The following TMEM161A variants were observed in gnomAD, a reference collection of about 807,000 sequenced individuals.
TMEM161A encodes adaptive response to oxidative stress protein 29.
A neutral mutation model predicts 57.1 loss-of-function variants in TMEM161A; 46 were observed. The ratio of observed to expected loss-of-function variants is 0.81; its 90% confidence interval spans 0.64 to 1.03. The LOEUF is 1.03. TMEM161A is among the 50% of genes least tolerant of loss of function. The pLI, the probability that TMEM161A is intolerant of heterozygous loss-of-function variation, is 0.00. For missense variants in TMEM161A, 601 were observed against 621.5 expected (o/e 0.97, Z 0.35); for synonymous variants, 288 against 279.0 (o/e 1.03, Z -0.32).
At position 19,134,865 on chromosome 19, in the gene TMEM161A, ACCAGCTGTACTCCG is replaced by A; in HGVS notation, c.12_25del (p.Val6AspfsTer24). 1 of 1,595,456 alleles carries A rather than the reference ACCAGCTGTACTCCG, an allele frequency of 6.3e-7. No individual in the cohort carries two copies. The highest frequency in any genetic ancestry group is 1.1e-5 in the South Asian group (1 of 87,900). On this transcript the variant is annotated frameshift_variant, in exon 2 of 12. Coordinates refer to ENST00000162044, the MANE Select transcript of TMEM161A (RefSeq NM_017814.3). LOFTEE classifies it high-confidence loss of function. ...GAGGGTGGCAGTGAGCAGGGTCACC[ACCAGCTGTACTCCG>A]AGGACCGCCTGGGGGGAGGGGACAT...
At chr19:19,135,026 G>A (rs902512945) in intron 1 of TMEM161A, 139 bp from the exon 2 acceptor site, 17 of 637,416 alleles carry the variant, frequency 2.7e-5, no homozygotes, top group South Asian at 3.8e-5. Flanking sequence ...GGCTTCTTAG[G>A]GGAGAGTCCT....
chr19:19,138,476 G>T lies in TMEM161A; in HGVS notation c.-48C>A. The stretch of plus-strand genomic sequence containing the variant: ...ACTCACCCACCGGCCTAGGGCTCCG[G>T]GCACTCTGCGGAAACTCGACCAATT... On this transcript the variant is annotated 5_prime_UTR_variant, in exon 1 of 12. Transcript: ENST00000162044. 1.3e-6 allele frequency: 2 copies of T among 1,576,292 alleles called. No homozygotes were observed.
Position 19,121,307 on chromosome 19 carries a change from C to A in TMEM161A, c.914+1G>T. 1 of 1,560,678 alleles carries A rather than the reference C, an allele frequency of 6.4e-7. No homozygotes were observed. The highest frequency in any genetic ancestry group is 2.4e-5 in the East Asian group (1 of 41,234). ...ACCTCCTAGCCCCACCCAATACGCACAGGGAGAAACGCGTCTCCCCAAACG... is the reference window on the plus strand; with the variant it reads ...ACCTCCTAGCCCCACCCAATACGCAAAGGGAGAAACGCGTCTCCCCAAACG... On this transcript the variant is annotated splice_donor_variant, in intron 9 of 11. Coordinates refer to ENST00000162044, the MANE Select transcript of TMEM161A (RefSeq NM_017814.3). LOFTEE classifies it high-confidence loss of function. This position sits in a 1 kb window ranked among gnomAD's most constrained non-coding sequence, Gnocchi z 5.8.
Position 19,120,023 on chromosome 19 carries a change from G to T in TMEM161A, c.1347C>A (p.Gly449=), listed in dbSNP as rs2059899740. 1.9e-6 allele frequency: 3 copies of T among 1,598,914 alleles called. No homozygotes were observed. The highest frequency in any genetic ancestry group is 2.6e-6 in the Non-Finnish European group (3 of 1,173,630). ...GGLLTPLFLR[G]VLAYLIWWTA... Reference sequence around the variant, plus strand: ...TCCACCAGATGAGGTAGGCCAGGACGCCACGGAGGAAGAGGGGAGTAAGCA... The same window carrying T: ...TCCACCAGATGAGGTAGGCCAGGACTCCACGGAGGAAGAGGGGAGTAAGCA... Residue 449 remains glycine, a synonymous_variant, in exon 12 of 12, where the codon GGC becomes GGA. Transcript: ENST00000162044.
intron 1 of TMEM161A, 23 bp downstream of exon 1, chr19:19,138,403 C>A (rs920094783): frequency 3.7e-6 from 6 of 1,602,020 alleles, no homozygotes; most frequent in Admixed American, 1.7e-5. Flanking sequence ...CAGAACCCCC[C>A]ACTTCGCGGG....
intron 5 of TMEM161A, among the ~76,000 whole-genome samples, chr19:19,131,352 A>G (rs2059957318): frequency 6.6e-6 from 1 of 152,134 alleles, no homozygotes; most frequent in Non-Finnish European, 1.5e-5. Context: ...TGGGTCCCCA[A>G]AGTCATGTAT....
At chr19:19,130,690 A>G (rs1488656411) in intron 5 of TMEM161A, among the ~76,000 whole-genome samples, 1 of 152,056 alleles carries the variant, frequency 6.6e-6, no homozygotes, top group East Asian at 1.9e-4. Context: ...TAATCCCAGC[A>G]CTTTGGGAGG....
In TMEM161A at chr19:19,134,848, C is replaced by T. The variant is rs1203097158; in HGVS notation, c.43G>A (p.Ala15Thr). 1.3e-6 allele frequency: 2 copies of T among 1,599,086 alleles called. No homozygotes were observed. The highest frequency in any genetic ancestry group is 2.3e-5 in the East Asian group (1 of 43,966). The change falls in exon 2 of 12, where the codon GCC becomes ACC. Residue 15 changes from alanine to threonine, a missense_variant. Ala to Thr is a moderately conservative substitution (Grantham distance 58). Coordinates refer to ENST00000162044, the MANE Select transcript of TMEM161A (RefSeq NM_017814.3). Reference sequence around the variant, plus strand: ...GGCGCCAGCCTGTGCATGAGGGTGGCAGTGAGCAGGGTCACCACCAGCTGT... The same window carrying T: ...GGCGCCAGCCTGTGCATGAGGGTGGTAGTGAGCAGGGTCACCACCAGCTGT... ...GVQLVVTLLT[A>T]TLMHRLAPHC...
chr19:19,121,806 C>A lies in TMEM161A; in HGVS notation c.609G>T (p.Met203Ile). 6.2e-7 allele frequency: 1 copy of A among 1,613,832 alleles called. No homozygotes were observed. The highest frequency in any genetic ancestry group is 8.5e-7 in the Non-Finnish European group (1 of 1,179,988). The change falls in exon 7 of 12, where the codon ATG becomes ATT. Residue 203 changes from methionine (M) to isoleucine (I), a missense_variant. Coordinates refer to ENST00000162044, the MANE Select transcript of TMEM161A (RefSeq NM_017814.3). This position sits in a 1 kb window ranked among gnomAD's most constrained non-coding sequence, Gnocchi z 5.8. The stretch of plus-strand genomic sequence containing the variant: ...TCAGAAGTGGCTCTAAGTTCTGGGT[C>A]ATGCTGGCCAGACCTGGGGACGATA... ...ELGLEPGLASMTQNLEPLLKK... is the reference protein window; with the variant it reads ...ELGLEPGLASITQNLEPLLKK...
chr19:19,128,606 T>C lies in TMEM161A; in HGVS notation c.595+1550A>G, dbSNP rs373787865. ...CAGGCTGGAGCACAATGGCTCGATC[T>C]TGGCTCACCACAACCTCCGCTTCCT... On this transcript the variant is annotated intron_variant, in intron 6 of 11. Coordinates refer to ENST00000162044, the MANE Select transcript of TMEM161A (RefSeq NM_017814.3). 4.6e-5 allele frequency among the ~76,000 whole-genome samples: 7 copies of C among 150,548 alleles called. No individual in the cohort carries two copies. The East Asian group carries it at 9.8e-4, about 21-fold the overall frequency.
At chr19:19,120,654 T>C in intron 11 of TMEM161A, 111 bp downstream of exon 11, 6 of 872,256 alleles carry the variant, frequency 6.9e-6, no homozygotes, top group Middle Eastern at 3.7e-4. Context: ...CTCCGCCCCC[T>C]GCCTAGGCCC....
chr19:19,135,806 G>C (rs2059982364), intron 1 of TMEM161A, among the ~76,000 whole-genome samples: 1 of 152,100 alleles, frequency 6.6e-6, no homozygotes, highest in Admixed American at 6.6e-5. Context: ...GAACTCCTAG[G>C]CTCAAGCAAT....
intron 6 of TMEM161A, among the ~76,000 whole-genome samples, chr19:19,124,612 G>A (rs1298945246): frequency 6.6e-6 from 1 of 152,124 alleles, no homozygotes; most frequent in Admixed American, 6.6e-5. Context: ...GAAATCAGAA[G>A]GGAAATGTTA....
intron 1 of TMEM161A, among the ~76,000 whole-genome samples, chr19:19,137,628 C>T (rs2059990485): frequency 6.6e-6 from 1 of 152,232 alleles, no homozygotes; most frequent in Admixed American, 6.5e-5. Context: ...TGCACCTCCG[C>T]CTGGGACGAC....
At chr19:19,122,406 A>G (rs556345137) in intron 6 of TMEM161A, among the ~76,000 whole-genome samples, 1 of 152,230 alleles carries the variant, frequency 6.6e-6, no homozygotes, top group African/African-American at 2.4e-5. Context: ...CTAGAGGGGG[A>G]TGAAGGACTC....
intron 5 of TMEM161A, 192 bp from the exon 6 acceptor site, chr19:19,130,499 G>A (rs2059953431): frequency 1.5e-6 from 1 of 652,840 alleles, no homozygotes; most frequent in African/African-American, 1.8e-5. Flanking sequence ...TTCCCGTTGA[G>A]TGGGAGATGG....
Position 19,130,168 on chromosome 19 carries a change from C to A in TMEM161A, c.583G>T (p.Gly195Cys). Residue 195 changes from glycine to cysteine, a missense_variant, in exon 6 of 12, where the codon GGC becomes TGC. Coordinates refer to ENST00000162044, the MANE Select transcript of TMEM161A (RefSeq NM_017814.3). ...QVVREETLEL[G>C]LEPGLASMTQ... ...GGGCTGCACTTACCAGGCTCCAGGCCCAGCTCGAGGGTCTCCTCCCGCACC... is the reference window on the plus strand; with the variant it reads ...GGGCTGCACTTACCAGGCTCCAGGCACAGCTCGAGGGTCTCCTCCCGCACC... The A allele has an allele frequency of 6.2e-7, 1 of 1,613,494 alleles. No individual in the cohort carries two copies. The highest frequency in any genetic ancestry group is 8.5e-7 in the Non-Finnish European group (1 of 1,180,032).
intron 5 of TMEM161A, among the ~76,000 whole-genome samples, chr19:19,130,774 CA>C (rs2146335314): frequency 6.6e-6 from 1 of 151,836 alleles, no homozygotes; most frequent in South Asian, 2.1e-4. Context: ...CCCATCTCTA[CA>C]AAAAATAATT....
At chr19:19,120,565 A>AT (rs2059903948) in intron 11 of TMEM161A, among the ~76,000 whole-genome samples, 200 bp downstream of exon 11, 1 of 126,036 alleles carries the variant, frequency 7.9e-6, no homozygotes, top group Non-Finnish European at 1.7e-5. Context: ...GATTGCACCC[A>AT]TCCCCAGGCT....
Sources: gnomAD v4.1 joint callset for allele counts (sites outside exome capture counted in the v4.1 genomes callset) on GRCh38, gnomAD v4.1.1 for gene constraint, Gnocchi (gnomAD v3.1) non-coding constraint, MANE v1.5 for transcripts, NCBI Gene and HGNC (gene_info 2026-07-23, HGNC 2026-07-21) for gene names.